CCSER1: variants seen among roughly 807,000 people sequenced by gnomAD.
CCSER1 encodes the protein serine-rich coiled-coil domain-containing protein 1.
In CCSER1, 41 loss-of-function variants were observed where a neutral mutation model predicts 82.0. The observed-to-expected ratio is 0.50, with a 90% CI of 0.39 to 0.65. The LOEUF is 0.65. Among genes scored for constraint, CCSER1 ranks in the 30% least tolerant of loss-of-function variants. The pLI, the probability that CCSER1 is intolerant of heterozygous loss-of-function variation, is 0.00. For missense variants in CCSER1, 1,119 were observed against 1,064.2 expected (o/e 1.05, Z -0.72); for synonymous variants, 414 against 383.9 (o/e 1.08, Z -0.92).
chr4:90,856,753 C>A (rs767341839), intron 8 of CCSER1, among the ~76,000 whole-genome samples: 47 of 152,132 alleles, frequency 3.1e-4, no homozygotes, highest in South Asian at 4.2e-4. Context: ...ATAACAATAT[C>A]TTTGGATGCT....
chr4:90,652,678 G>A (rs879910393), intron 6 of CCSER1, among the ~76,000 whole-genome samples: 6 of 152,064 alleles, frequency 3.9e-5, no homozygotes, highest in Non-Finnish European at 8.8e-5. Flanking sequence ...CTTTTTATGA[G>A]TATAATAACT....
intron 1 of CCSER1, among the ~76,000 whole-genome samples, chr4:90,209,984 AG>A (rs1481489437): frequency 2.6e-5 from 4 of 151,000 alleles, no homozygotes; most frequent in Non-Finnish European, 1.5e-5. Flanking sequence ...AAATTTCTGA[AG>A]CCTTTCTCTC....
chr4:91,011,039 C>T (rs1476584893), intron 9 of CCSER1, among the ~76,000 whole-genome samples: 3 of 134,412 alleles, frequency 2.2e-5, no homozygotes, highest in African/African-American at 7.4e-5. Flanking sequence ...GAAATTACTT[C>T]TTCCAAATTT....
At chr4:91,080,232 G>T (rs1581500491) in intron 9 of CCSER1, among the ~76,000 whole-genome samples, 1 of 152,154 alleles carries the variant, frequency 6.6e-6, no homozygotes, top group South Asian at 2.1e-4. Flanking sequence ...AGACAACAGG[G>T]CAATCAAACT....
chr4:91,180,357 G>A (rs1246335082), intron 10 of CCSER1, among the ~76,000 whole-genome samples: 1 of 152,246 alleles, frequency 6.6e-6, no homozygotes, highest in Non-Finnish European at 1.5e-5. Context: ...GGACGTTGAA[G>A]TCTGCAGAAG....
chr4:91,290,945 A>G (rs1743693943), intron 10 of CCSER1, among the ~76,000 whole-genome samples: 1 of 151,912 alleles, frequency 6.6e-6, no homozygotes, highest in Non-Finnish European at 1.5e-5. Flanking sequence ...TTAAATAATT[A>G]ATGAGCTAAC....
rs375585517 is a variant in CCSER1 at position 90,946,514 on chromosome 4, C to T, written c.2172+23067C>T. The stretch of plus-strand genomic sequence containing the variant: ...GGCGTGGTTCCAGGCGCCTCTAATC[C>T]CAACTATTCTGGAGGCGGAGGTAGG... On this transcript the variant is annotated intron_variant, in intron 9 of 10. Transcript: ENST00000509176. Among the ~76,000 whole-genome samples the T allele has an allele frequency of 4.5e-4, 68 of 151,872 alleles. 1 individual carries two copies. The highest frequency in any genetic ancestry group is 1.5e-3 in the African/African-American group (62 of 41,432).
chr4:90,695,736 ATAT>A (rs1214498956), intron 6 of CCSER1, among the ~76,000 whole-genome samples: 10 of 152,068 alleles, frequency 6.6e-5, no homozygotes, highest in Non-Finnish European at 8.8e-5. Flanking sequence ...TCATTTACTG[ATAT>A]TATTAAGCCA....
In CCSER1 at chr4:91,094,188, T is replaced by C. The variant is rs149684164; in HGVS notation, c.2217+8194T>C. 5.4e-3 allele frequency among the ~76,000 whole-genome samples: 820 copies of C among 152,272 alleles called. 11 individuals are homozygous for C. Among genetic ancestry groups the C allele is most frequent in the African/African-American group, 0.019 (783 of 41,558 alleles). ...TGGAGCAAGACACAGCCTAGGTCTT[T>C]AGCAGGAAACTTCTGGAGGTCTCGA... On this transcript the variant is annotated intron_variant, in intron 10 of 10. Coordinates refer to ENST00000509176, the MANE Select transcript of CCSER1 (RefSeq NM_001145065.2).
intron 10 of CCSER1, among the ~76,000 whole-genome samples, chr4:91,119,771 G>A (rs1726927742): frequency 6.6e-6 from 1 of 151,976 alleles, no homozygotes; most frequent in African/African-American, 2.4e-5. Flanking sequence ...GTAGATAGAT[G>A]AATAGATAAT....
chr4:90,533,861 A>G (rs948676890), intron 5 of CCSER1, among the ~76,000 whole-genome samples: 2 of 152,180 alleles, frequency 1.3e-5, no homozygotes, highest in African/African-American at 2.4e-5. Context: ...TTGAGTATCT[A>G]TTACATTACA....
At chr4:91,070,101 C>T (rs1355457397) in intron 9 of CCSER1, among the ~76,000 whole-genome samples, 3 of 151,920 alleles carry the variant, frequency 2.0e-5, no homozygotes, top group African/African-American at 7.3e-5. Flanking sequence ...TCTCCTGCCT[C>T]AGCCTCCCAA....
chr4:90,684,123 T>G (rs1734381802), intron 6 of CCSER1, among the ~76,000 whole-genome samples: 1 of 152,174 alleles, frequency 6.6e-6, no homozygotes, highest in African/African-American at 2.4e-5. Flanking sequence ...TTGTCAAAAT[T>G]AGAAAAGTTG....
intron 10 of CCSER1, among the ~76,000 whole-genome samples, chr4:91,295,858 T>G (rs1014187370): frequency 2.0e-5 from 3 of 151,928 alleles, no homozygotes; most frequent in African/African-American, 7.2e-5. Flanking sequence ...AAATAGCTGT[T>G]TTAAAAGCCA....
intron 4 of CCSER1, among the ~76,000 whole-genome samples, chr4:90,453,643 A>T (rs1286621172): frequency 6.6e-6 from 1 of 152,142 alleles, no homozygotes; most frequent in Non-Finnish European, 1.5e-5. Context: ...AGCCATAAAG[A>T]TAGTGGTTCC....
At chr4:90,633,459 C>T (rs1280612139) in intron 6 of CCSER1, among the ~76,000 whole-genome samples, 1 of 151,894 alleles carries the variant, frequency 6.6e-6, no homozygotes, top group African/African-American at 2.4e-5. Flanking sequence ...TTTTTCAGAT[C>T]TTTCTATGCA....
intron 5 of CCSER1, among the ~76,000 whole-genome samples, chr4:90,578,912 C>G (rs772447994): frequency 1.3e-5 from 2 of 150,120 alleles, no homozygotes; most frequent in Non-Finnish European, 3.0e-5. Context: ...AGCTTTCCAT[C>G]TATTTCATCT....
At chr4:91,040,101 C>T (rs1741833272) in intron 9 of CCSER1, among the ~76,000 whole-genome samples, 1 of 152,034 alleles carries the variant, frequency 6.6e-6, no homozygotes, top group Non-Finnish European at 1.5e-5. Flanking sequence ...AAAATCAAGG[C>T]TTAAATAGCT....
At chr4:91,396,089 A>G (rs191412523) in intron 10 of CCSER1, among the ~76,000 whole-genome samples, 6 of 152,234 alleles carry the variant, frequency 3.9e-5, no homozygotes, top group Admixed American at 3.3e-4. Flanking sequence ...TGAAATAAAC[A>G]TAAGTTATTT....
Sources: gnomAD v4.1 joint callset for allele counts (sites outside exome capture counted in the v4.1 genomes callset) on GRCh38, gnomAD v4.1.1 for gene constraint, MANE v1.5 for transcripts, NCBI Gene and HGNC (gene_info 2026-07-23, HGNC 2026-07-21) for gene names.